Variants in GPR161 observed in about 807,000 individuals in gnomAD.
GPR161 encodes G-protein coupled receptor RE2.
GPR161 carries 25 observed loss-of-function variants against 39.2 expected under a neutral mutation model. The ratio of observed to expected loss-of-function variants is 0.64; its 90% CI spans 0.47 to 0.89. The LOEUF (loss-of-function observed/expected upper bound fraction) is 0.89, where lower values mean the gene tolerates loss of function less well. Among genes scored for constraint, GPR161 ranks in the 40% least tolerant of loss-of-function variants. The pLI, the probability that GPR161 is intolerant of heterozygous loss-of-function variation, is 0.00. For missense variants in GPR161, 547 were observed against 677.8 expected (o/e 0.81, Z 2.14); for synonymous variants, 286 against 276.6 (o/e 1.03, Z -0.34).
chr1:168,085,627 G>A lies in GPR161; in HGVS notation c.1494C>T (p.Gly498=). 6.2e-7 allele frequency: 1 copy of A among 1,614,098 alleles called. No homozygotes were observed. The highest frequency in any genetic ancestry group is 8.5e-7 in the Non-Finnish European group (1 of 1,180,004). The change falls in exon 6 of 6, where the codon GGC becomes GGT. Residue 498 remains glycine, a synonymous_variant. Coordinates refer to ENST00000682931, the MANE Select transcript of GPR161 (RefSeq NM_001375883.1). ...TTCTGCTGCCTCGGCGGCCCCCGAA[G>A]CCGCCCCCCGGGACAGTCCGTGCTG... ...LVTARTVPGG[G]FGGRRGSRTL...
chr1:168,123,263 T>C (rs116215475), intron 1 of GPR161, among the ~76,000 whole-genome samples: 241 of 152,156 alleles, frequency 1.6e-3, no homozygotes, highest in African/African-American at 5.5e-3. Context: ...CTGGGAAACA[T>C]AGCAAGATCT....
At chr1:168,092,117 G>T (rs540066385) in intron 3 of GPR161, among the ~76,000 whole-genome samples, 4 of 152,184 alleles carry the variant, frequency 2.6e-5, no homozygotes, top group Admixed American at 2.0e-4. Flanking sequence ...GCTTTTGCAA[G>T]GGGACTTCCT....
intron 3 of GPR161, among the ~76,000 whole-genome samples, chr1:168,095,688 G>T (rs1190959833): frequency 6.6e-6 from 1 of 152,174 alleles, no homozygotes; most frequent in African/African-American, 2.4e-5. Flanking sequence ...TCACTGATCT[G>T]TGAGGAGGAG....
chr1:168,130,388 G>C (rs1283817267), intron 1 of GPR161, among the ~76,000 whole-genome samples: 1 of 152,156 alleles, frequency 6.6e-6, no homozygotes, highest in Non-Finnish European at 1.5e-5. Context: ...CATTGGATTT[G>C]AACCTGCAGC....
chr1:168,084,865 G>C lies in GPR161; in HGVS notation c.*666C>G, dbSNP rs1343121044. 1 of 456,262 alleles carries C rather than the reference G, an allele frequency of 2.2e-6. No individual in the cohort carries two copies. The highest frequency in any genetic ancestry group is 2.0e-5 in the African/African-American group (1 of 50,180). The allele number at this position is 456,262 out of a possible 1,614,324, so 28.3% of individuals were successfully genotyped here. A position where few individuals can be genotyped will look rare whatever the true frequency, so the allele number is the denominator to read the frequency against. ...TTTTGAAATACCAAAGAACTTGTCA[G>C]TAGGGAAGTAGGCAGGGTGGGCCAG... On this transcript the variant is annotated 3_prime_UTR_variant, in exon 6 of 6. Transcript: ENST00000682931.
intron 3 of GPR161, among the ~76,000 whole-genome samples, chr1:168,095,739 G>C (rs912233753): frequency 2.0e-5 from 3 of 152,154 alleles, no homozygotes; most frequent in Non-Finnish European, 2.9e-5. Flanking sequence ...AGGTGGGGAG[G>C]GGGTGCTGAC....
chr1:168,130,563 C>A lies in GPR161; in HGVS notation c.-45+6176G>T, dbSNP rs569795302. ...TTTAATGACATGAGCCAATAGCTTTCCTTTTTGCTTAAGTGGATTTGAATG... is the reference window on the plus strand; with the variant it reads ...TTTAATGACATGAGCCAATAGCTTTACTTTTTGCTTAAGTGGATTTGAATG... On this transcript the variant is annotated intron_variant, in intron 1 of 5. Transcript: ENST00000682931. 3.2e-4 allele frequency among the ~76,000 whole-genome samples: 48 copies of A among 152,286 alleles called. 1 individual carries two copies. The South Asian group carries it at 9.4e-3, about 30-fold the overall frequency.
chr1:168,086,060 G>GTGA (rs1694466483), intron 5 of GPR161, among the ~76,000 whole-genome samples: 1 of 152,218 alleles, frequency 6.6e-6, no homozygotes, highest in African/African-American at 2.4e-5. Context: ...AGAAGTTACT[G>GTGA]TGATAACTAA....
intron 5 of GPR161, among the ~76,000 whole-genome samples, chr1:168,086,287 G>A (rs1694483646): frequency 6.6e-6 from 1 of 152,140 alleles, no homozygotes; most frequent in Non-Finnish European, 1.5e-5. Flanking sequence ...GAACCTCAAG[G>A]TTGGACGTGA....
chr1:168,123,018 T>C (rs1698304635), intron 1 of GPR161, among the ~76,000 whole-genome samples: 2 of 152,214 alleles, frequency 1.3e-5, no homozygotes, highest in Non-Finnish European at 2.9e-5. Context: ...ACTAGACACC[T>C]TGACACACTA....
Position 168,084,736 on chromosome 1 carries a change from G to C in GPR161, c.*795C>G. 1 of 439,618 alleles carries C rather than the reference G, an allele frequency of 2.3e-6. No individual in the cohort carries two copies. Among genetic ancestry groups the C allele is most frequent in the South Asian group, 1.6e-5 (1 of 61,528 alleles). 27.2% of individuals were successfully genotyped at this position (439,618 alleles called of 1,614,324 possible). On this transcript the variant is annotated 3_prime_UTR_variant, in exon 6 of 6. Transcript: ENST00000682931. ...GTGCTTGGCACTACAGTCCCATTCAGTCCGGTAAAACAGTGGTACGTCTTA... is the reference window on the plus strand; with the variant it reads ...GTGCTTGGCACTACAGTCCCATTCACTCCGGTAAAACAGTGGTACGTCTTA...
At chr1:168,130,691 A>G (rs915823584) in intron 1 of GPR161, among the ~76,000 whole-genome samples, 2 of 152,132 alleles carry the variant, frequency 1.3e-5, no homozygotes, top group African/African-American at 2.4e-5. Context: ...CAAAATCTCC[A>G]TGTATAGCCT....
intron 1 of GPR161, among the ~76,000 whole-genome samples, chr1:168,115,885 C>T (rs1245671080): frequency 6.6e-6 from 1 of 152,024 alleles, no homozygotes; most frequent in African/African-American, 2.4e-5. Context: ...ACGCCATTCT[C>T]CTGCCTCAGC....
rs562768411 is a variant in GPR161 at position 168,112,195 on chromosome 1, T to C, written c.-44-7301A>G. 3.9e-5 allele frequency among the ~76,000 whole-genome samples: 6 copies of C among 152,108 alleles called. No homozygotes were observed. In the South Asian group the frequency reaches 6.2e-4, roughly 16 times the overall value. Reference sequence around the variant, plus strand: ...CAAGAATCAACTGTTAGAAAAAAATTTGGGACCAGGCATGGTGGCTCACGC... The same window carrying C: ...CAAGAATCAACTGTTAGAAAAAAATCTGGGACCAGGCATGGTGGCTCACGC... On this transcript the variant is annotated intron_variant, in intron 1 of 5. Coordinates refer to ENST00000682931, the MANE Select transcript of GPR161 (RefSeq NM_001375883.1).
chr1:168,110,536 AGG>A lies in GPR161; in HGVS notation c.-44-5644_-44-5643del, dbSNP rs1697042299. On this transcript the variant is annotated intron_variant, in intron 1 of 5. Transcript: ENST00000682931. ...AAAAAAAAAAAACGAAAGAAAGGAA[AGG>A]AAAGAAAAGAAAAGAAAAGAAAAGA... is the stretch of plus-strand genomic sequence containing the variant. Among the ~76,000 whole-genome samples, 3 of 77,688 alleles carry A rather than the reference AGG, an allele frequency of 3.9e-5. 1 individual carries two copies. The highest frequency in any genetic ancestry group is 7.3e-5 in the African/African-American group (1 of 13,744). 51.0% of individuals were successfully genotyped at this position (77,688 alleles called of 152,430 possible).
rs1015860961 is a variant in GPR161 at position 168,083,711 on chromosome 1, G to A, written c.*1820C>T. The A allele has an allele frequency of 1.2e-4, 19 of 152,290 alleles. No individual in the cohort carries two copies. The highest frequency in any genetic ancestry group is 4.6e-4 in the African/African-American group (19 of 41,434). The allele number at this position is 152,290 out of a possible 1,614,324, so 9.4% of individuals were successfully genotyped here. On this transcript the variant is annotated 3_prime_UTR_variant, in exon 6 of 6. Transcript: ENST00000682931. Reference sequence around the variant, plus strand: ...ACTCCCATCCAGAAGCTAGGCCAGCGCCTGGCATCCAGGTGACCCAGAATA... The same window carrying A: ...ACTCCCATCCAGAAGCTAGGCCAGCACCTGGCATCCAGGTGACCCAGAATA...
intron 3 of GPR161, among the ~76,000 whole-genome samples, chr1:168,091,223 G>T (rs1273715876): frequency 6.6e-6 from 1 of 152,106 alleles, no homozygotes; most frequent in African/African-American, 2.4e-5. Context: ...AACGGGGTTG[G>T]GGGGTAGGGG....
rs1314055821 is a variant in GPR161 at position 168,080,172 on chromosome 1, T to A, written c.*5359A>T. On this transcript the variant is annotated 3_prime_UTR_variant, in exon 6 of 6. Transcript: ENST00000682931. Reference sequence around the variant, plus strand: ...CAGTCACTTTCCTTGGGCCTTCAGTTTTTTTTAGGTCTGGCCAGCAGATAT... The same window carrying A: ...CAGTCACTTTCCTTGGGCCTTCAGTATTTTTTAGGTCTGGCCAGCAGATAT... 6 of 152,186 alleles carry A rather than the reference T, an allele frequency of 3.9e-5. No homozygotes were observed. Among genetic ancestry groups the A allele is most frequent in the Non-Finnish European group, 7.4e-5 (5 of 68,022 alleles). 9.4% of individuals were successfully genotyped at this position (152,186 alleles called of 1,614,324 possible).
At chr1:168,122,574 C>T (rs1450092619) in intron 1 of GPR161, among the ~76,000 whole-genome samples, 1 of 152,158 alleles carries the variant, frequency 6.6e-6, no homozygotes, top group African/African-American at 2.4e-5. Flanking sequence ...CAGGGCCTGG[C>T]TCTCCATTAC....
Sources: allele counts gnomAD v4.1 joint callset (sites outside exome capture counted in the v4.1 genomes callset), GRCh38; gene constraint gnomAD v4.1.1; transcripts MANE v1.5; gene names NCBI Gene and HGNC (gene_info 2026-07-23, HGNC 2026-07-21).